Variants in NEDD4L observed in about 807,000 individuals in gnomAD.
The protein encoded by NEDD4L is E3 ubiquitin-protein ligase NEDD4-like.
NEDD4L carries 54 observed loss-of-function variants against 148.9 expected under a neutral mutation model. The observed-to-expected ratio is 0.36, with a 90% CI of 0.29 to 0.45. NEDD4L has a LOEUF of 0.45. Among genes scored for constraint, NEDD4L ranks in the 20% least tolerant of loss-of-function variants. The probability of loss-of-function intolerance (pLI) is 1.00; values close to 1 mark genes in which losing one functional copy is unlikely to be tolerated. For missense variants in NEDD4L, 856 were observed against 1,233.8 expected (o/e 0.69, Z 4.59); for synonymous variants, 433 against 440.7 (o/e 0.98, Z 0.22).
intron 28 of NEDD4L, 93 bp downstream of exon 28, chr18:58,389,285 T>C: frequency 1.1e-6 from 1 of 885,432 alleles, no homozygotes; most frequent in Non-Finnish European, 1.8e-6. Flanking sequence ...ACTTCAGGAC[T>C]GATGCTGGCT....
rs201117610 is a variant in NEDD4L, at chr18:58,329,097, C to T, written c.783C>T (p.Pro261=). 1.1e-5 allele frequency: 18 copies of T among 1,613,830 alleles called. No individual in the cohort carries two copies. The highest frequency in any genetic ancestry group is 4.5e-5 in the East Asian group (2 of 44,888). Residue 261 remains proline (P), a synonymous_variant, in exon 10 of 31, where the codon CCC becomes CCT. Coordinates refer to ENST00000400345, the MANE Select transcript of NEDD4L (RefSeq NM_001144967.3). The part of the protein sequence containing the change: ...SRRHISEDLE[P]EPSEGGDVPE... ...GGCACATCAGCGAAGACTTGGAGCC[C>T]GAGCCCTCGGAGGGCGGGGATGTCC...
At chr18:58,108,459 C>T (rs991623787) in intron 1 of NEDD4L, among the ~76,000 whole-genome samples, 3 of 152,212 alleles carry the variant, frequency 2.0e-5, no homozygotes, top group Middle Eastern at 3.4e-3. Context: ...TTCACTGTGT[C>T]GCCCAGGCTG....
At chr18:58,059,368 A>G (rs2082224899) in intron 1 of NEDD4L, among the ~76,000 whole-genome samples, 1 of 152,202 alleles carries the variant, frequency 6.6e-6, no homozygotes. Flanking sequence ...TTGCAGACCC[A>G]TGTTTGATTG....
chr18:58,167,853 A>G (rs2037062468), intron 2 of NEDD4L, among the ~76,000 whole-genome samples: 2 of 152,218 alleles, frequency 1.3e-5, no homozygotes, highest in Admixed American at 1.3e-4. Context: ...AGTTGGATTT[A>G]GAAAATTTTG....
At chr18:58,373,501 A>G (rs1392395158) in intron 24 of NEDD4L, among the ~76,000 whole-genome samples, 1 of 152,236 alleles carries the variant, frequency 6.6e-6, no homozygotes, top group Non-Finnish European at 1.5e-5. Flanking sequence ...GCCTTGGGGC[A>G]TGAACCAGCA....
intron 19 of NEDD4L, among the ~76,000 whole-genome samples, chr18:58,363,341 A>G (rs1441201312): frequency 1.3e-5 from 2 of 152,232 alleles, no homozygotes; most frequent in African/African-American, 4.8e-5. Context: ...AAATGATAAC[A>G]GCAGAAGTAT....
intron 2 of NEDD4L, among the ~76,000 whole-genome samples, chr18:58,190,847 T>C (rs1170187073): frequency 6.6e-6 from 1 of 152,212 alleles, no homozygotes; most frequent in Non-Finnish European, 1.5e-5. Flanking sequence ...ATAAAAAGGC[T>C]GGGTATGGTG....
At chr18:58,266,722 G>A (rs528812349) in intron 5 of NEDD4L, among the ~76,000 whole-genome samples, 31 of 152,200 alleles carry the variant, frequency 2.0e-4, no homozygotes, top group South Asian at 6.2e-4. Flanking sequence ...AATAATATAC[G>A]CAGATTGCTG....
chr18:58,348,354 C>T (rs1220926896), intron 16 of NEDD4L, among the ~76,000 whole-genome samples: 2 of 69,332 alleles, frequency 2.9e-5, no homozygotes, highest in Admixed American at 1.7e-4. Flanking sequence ...TTTTTTGAGA[C>T]GGAGTCTCAC....
rs74183230 is a variant in NEDD4L, at chr18:58,056,894, C to CTTTTTTTTTTTTTTTTTTTTTTT, written c.48+12202_48+12203insTTTTTTTTTTTTTTTTTTTTTTT. ...CCATGCCCAGCCAGAGCTATGCCCT[C>CTTTTTTTTTTTTTTTTTTTTTTT]TTTTTTTTTTTTTTTTGTTTGTTTG... On this transcript the variant is annotated intron_variant, in intron 1 of 30. Coordinates refer to ENST00000400345, the MANE Select transcript of NEDD4L (RefSeq NM_001144967.3). Among the ~76,000 whole-genome samples, 8 of 121,618 alleles carry CTTTTTTTTTTTTTTTTTTTTTTT rather than the reference C, an allele frequency of 6.6e-5. 1 individual carries two copies. The highest frequency in any genetic ancestry group is 1.2e-4 in the Non-Finnish European group (7 of 59,550). 79.8% of individuals were successfully genotyped at this position (121,618 alleles called of 152,430 possible). A position where few individuals can be genotyped will look rare whatever the true frequency, so the allele number is the denominator to read the frequency against.
At chr18:58,069,026 A>G (rs960599367) in intron 1 of NEDD4L, among the ~76,000 whole-genome samples, 3 of 151,544 alleles carry the variant, frequency 2.0e-5, no homozygotes, top group Non-Finnish European at 4.4e-5. Flanking sequence ...AGTCCCAGCT[A>G]CTTCAGAGCT....
At chr18:58,097,439 A>AGT (rs2084484876) in intron 1 of NEDD4L, among the ~76,000 whole-genome samples, 1 of 152,238 alleles carries the variant, frequency 6.6e-6, no homozygotes, top group South Asian at 2.1e-4. Context: ...CACCAGGCAA[A>AGT]GTGTTCTACT....
intron 1 of NEDD4L, among the ~76,000 whole-genome samples, chr18:58,155,665 G>A (rs1316685882): frequency 2.0e-5 from 3 of 152,180 alleles, no homozygotes; most frequent in Non-Finnish European, 2.9e-5. Flanking sequence ...TCTCCTAAAT[G>A]TGCAGCCAGG....
intron 1 of NEDD4L, among the ~76,000 whole-genome samples, chr18:58,059,776 C>T (rs1317577444): frequency 2.0e-5 from 3 of 152,144 alleles, no homozygotes; most frequent in Non-Finnish European, 4.4e-5. Context: ...AAATGTTCTT[C>T]GTATGCAAAC....
At chr18:58,250,349 C>T (rs535351277) in intron 4 of NEDD4L, among the ~76,000 whole-genome samples, 133 of 152,216 alleles carry the variant, frequency 8.7e-4, no homozygotes, top group Middle Eastern at 6.8e-3. Flanking sequence ...GAGGTTTCAC[C>T]ATGTTGGCCA....
intron 1 of NEDD4L, among the ~76,000 whole-genome samples, chr18:58,123,771 C>T (rs7231139): frequency 0.017 from 2,608 of 152,154 alleles, 29 homozygotes; most frequent in African/African-American, 0.026. Context: ...GGAAAGAAGC[C>T]GTTCAGTCAG....
intron 6 of NEDD4L, 111 bp from the exon 7 acceptor site, chr18:58,322,314 C>A: frequency 1.3e-6 from 1 of 764,556 alleles, no homozygotes; most frequent in Non-Finnish European, 2.3e-6. Context: ...ACACATTCAG[C>A]GGTGCCACAT....
chr18:58,256,768 C>T lies in NEDD4L; in HGVS notation c.297+4714C>T, dbSNP rs1014625001. On this transcript the variant is annotated intron_variant, in intron 5 of 30. Transcript: ENST00000400345. The surrounding 1 kb of genome is among the most constrained non-coding windows in gnomAD (Gnocchi z 5.2). The stretch of plus-strand genomic sequence containing the variant: ...AAAGCCCTGTTTCCACGGGAGCTGA[C>T]ACCACGGTAAGTTCACAGCGTGTTT... 168 of 1,231,944 alleles carry T rather than the reference C, an allele frequency of 1.4e-4. No individual in the cohort carries two copies. The highest frequency in any genetic ancestry group is 1.3e-4 in the Admixed American group (3 of 23,724). The allele number at this position is 1,231,944 out of a possible 1,614,324, so 76.3% of individuals were successfully genotyped here. A position where few individuals can be genotyped will look rare whatever the true frequency, so the allele number is the denominator to read the frequency against.
intron 5 of NEDD4L, among the ~76,000 whole-genome samples, chr18:58,306,957 A>G (rs2057138658): frequency 1.3e-5 from 2 of 152,124 alleles, no homozygotes; most frequent in Non-Finnish European, 2.9e-5. Context: ...TCCTTATAGC[A>G]GTGTTTGGCA....
Sources: allele counts gnomAD v4.1 joint callset (sites outside exome capture counted in the v4.1 genomes callset), GRCh38; gene constraint gnomAD v4.1.1; non-coding constraint Gnocchi (gnomAD v3.1); transcripts MANE v1.5; gene names NCBI Gene and HGNC (gene_info 2026-07-23, HGNC 2026-07-21).